The following CPNE8 variants were observed in gnomAD, a reference collection of about 807,000 sequenced individuals.
CPNE8 encodes the protein copine 8, also known as copine-8.
A neutral mutation model predicts 81.5 loss-of-function variants in CPNE8; 45 were observed. That is an observed-to-expected ratio of 0.55 (90% CI 0.44 to 0.71). CPNE8 has a LOEUF of 0.71. Among genes scored for constraint, CPNE8 ranks in the 30% least tolerant of loss-of-function variants. The pLI is 0.00. For missense variants in CPNE8, 594 were observed against 672.1 expected (o/e 0.88, Z 1.28); for synonymous variants, 252 against 226.3 (o/e 1.11, Z -1.02).
chr12:38,707,284 A>G (rs1322973734), intron 13 of CPNE8, among the ~76,000 whole-genome samples: 1 of 152,190 alleles, frequency 6.6e-6, no homozygotes, highest in Non-Finnish European at 1.5e-5. Flanking sequence ...GCTGCACTCC[A>G]GCTTGTGCGA....
upstream of CPNE8, chr12:38,906,340 C>A: frequency 1.4e-5 from 14 of 985,190 alleles, no homozygotes; most frequent in Non-Finnish European, 1.6e-5. Context: ...GGCGGGGGGG[C>A]GGACTCTAAG....
At chr12:38,873,341 A>G (rs1456270607) in intron 2 of CPNE8, among the ~76,000 whole-genome samples, 2 of 152,234 alleles carry the variant, frequency 1.3e-5, no homozygotes, top group East Asian at 3.8e-4. Context: ...TTTTAAAACC[A>G]TAATTTAAAC....
intron 4 of CPNE8, 103 bp from the exon 5 acceptor site, chr12:38,840,058 A>G: frequency 8.8e-7 from 1 of 1,136,424 alleles, no homozygotes; most frequent in Non-Finnish European, 1.2e-6. Context: ...ATGAATCCAA[A>G]ATAATACCAA....
chr12:38,766,258 C>T (rs562462090), intron 8 of CPNE8, among the ~76,000 whole-genome samples: 11 of 152,236 alleles, frequency 7.2e-5, no homozygotes, highest in Admixed American at 7.2e-4. Context: ...TACAACTAAT[C>T]TTTATGAAGA....
chr12:38,795,541 T>C (rs1942439839), intron 6 of CPNE8, among the ~76,000 whole-genome samples: 1 of 152,152 alleles, frequency 6.6e-6, no homozygotes, highest in African/African-American at 2.4e-5. Flanking sequence ...TGTTACGCAG[T>C]CTTTAAAAAG....
intron 6 of CPNE8, among the ~76,000 whole-genome samples, chr12:38,785,022 C>T (rs1439604595): frequency 6.6e-6 from 1 of 152,014 alleles, no homozygotes; most frequent in Non-Finnish European, 1.5e-5. Context: ...TGGTGAAACC[C>T]CGTCTCTACT....
chr12:38,710,935 G>A (rs2136709348), intron 13 of CPNE8, among the ~76,000 whole-genome samples: 1 of 152,124 alleles, frequency 6.6e-6, no homozygotes, highest in African/African-American at 2.4e-5. Flanking sequence ...CTGTTTTTTT[G>A]TATTTCTGTT....
intron 14 of CPNE8, among the ~76,000 whole-genome samples, chr12:38,694,989 T>A (rs978975901): frequency 3.9e-5 from 6 of 152,210 alleles, no homozygotes; most frequent in East Asian, 3.8e-4. Context: ...AACTTTTTTT[T>A]ATTTTATATT....
At chr12:38,871,643 T>G (rs1943993676) in intron 3 of CPNE8, among the ~76,000 whole-genome samples, 1 of 152,192 alleles carries the variant, frequency 6.6e-6, no homozygotes, top group African/African-American at 2.4e-5. Context: ...GGATTTTTCT[T>G]TTTTATGAAA....
chr12:38,839,163 C>T (rs1489492443), intron 5 of CPNE8, among the ~76,000 whole-genome samples: 1 of 152,082 alleles, frequency 6.6e-6, no homozygotes, highest in Non-Finnish European at 1.5e-5. Context: ...TCAGCCCTTC[C>T]TACTGGGGGT....
At chr12:38,802,563 T>C (rs1346324056) in intron 6 of CPNE8, among the ~76,000 whole-genome samples, 2 of 113,184 alleles carry the variant, frequency 1.8e-5, no homozygotes, top group Non-Finnish European at 3.7e-5. Flanking sequence ...GCAGGAAAGA[T>C]CCAAAATTGA....
At chr12:38,799,164 C>A (rs12734453) in intron 6 of CPNE8, among the ~76,000 whole-genome samples, 5 of 152,042 alleles carry the variant, frequency 3.3e-5, no homozygotes, top group Non-Finnish European at 7.4e-5. Flanking sequence ...AACAAGCATA[C>A]CCGGGAATTG....
chr12:38,702,476 C>T lies in CPNE8; in HGVS notation c.961+399G>A, dbSNP rs543190972. 2.6e-5 allele frequency among the ~76,000 whole-genome samples: 4 copies of T among 152,082 alleles called. No individual in the cohort carries two copies. The South Asian group carries it at 8.3e-4, about 32-fold the overall frequency. On this transcript the variant is annotated intron_variant, in intron 14 of 19. Coordinates refer to ENST00000331366, the MANE Select transcript of CPNE8 (RefSeq NM_153634.3). ...TGAATTACATTTATATAAATTCATACATACAAAAGTACTATAAAAATGAGG... is the reference window on the plus strand; with the variant it reads ...TGAATTACATTTATATAAATTCATATATACAAAAGTACTATAAAAATGAGG...
intron 1 of CPNE8, among the ~76,000 whole-genome samples, chr12:38,875,756 A>G (rs1944057007): frequency 6.6e-6 from 1 of 152,238 alleles, no homozygotes; most frequent in Non-Finnish European, 1.5e-5. Context: ...GAAACATCAG[A>G]CATACTCATA....
chr12:38,765,564 T>TA (rs569098485), intron 8 of CPNE8, among the ~76,000 whole-genome samples: 44 of 152,002 alleles, frequency 2.9e-4, no homozygotes, highest in East Asian at 9.6e-4. Context: ...AGTCCCATAT[T>TA]AAAAAAATAT....
Position 38,699,490 on chromosome 12 carries a change from A to G in CPNE8, c.961+3385T>C, listed in dbSNP as rs1939882035. Reference sequence around the variant, plus strand: ...TACTTTGCTATTTTCATTTAACAATATATCTTAGAAGTCTTTCCATATTAG... The same window carrying G: ...TACTTTGCTATTTTCATTTAACAATGTATCTTAGAAGTCTTTCCATATTAG... On this transcript the variant is annotated intron_variant, in intron 14 of 19. Transcript: ENST00000331366. Among the ~76,000 whole-genome samples, 4 of 152,328 alleles carry G rather than the reference A, an allele frequency of 2.6e-5. No individual in the cohort carries two copies. In the South Asian group the frequency reaches 6.2e-4, roughly 24 times the overall value.
At chr12:38,905,198 C>A (rs941094333) in intron 1 of CPNE8, among the ~76,000 whole-genome samples, 1 of 152,170 alleles carries the variant, frequency 6.6e-6, no homozygotes, top group Non-Finnish European at 1.5e-5. Flanking sequence ...GCCCAGCCAA[C>A]TTTTACAGCG....
chr12:38,901,141 A>G (rs1944455700), intron 1 of CPNE8, among the ~76,000 whole-genome samples: 2 of 152,132 alleles, frequency 1.3e-5, no homozygotes, highest in South Asian at 4.1e-4. Context: ...TAATTGCTTG[A>G]ACCTGGGAGG....
At chr12:38,827,554 G>T (rs1432970187) in intron 6 of CPNE8, among the ~76,000 whole-genome samples, 1 of 152,164 alleles carries the variant, frequency 6.6e-6, no homozygotes. Context: ...CAATAGCAAA[G>T]ACATGGAATC....
Sources: allele counts gnomAD v4.1 joint callset (sites outside exome capture counted in the v4.1 genomes callset), GRCh38; gene constraint gnomAD v4.1.1; transcripts MANE v1.5; gene names NCBI Gene and HGNC (gene_info 2026-07-23, HGNC 2026-07-21).